Variants in ZFHX3 observed in about 807,000 individuals in gnomAD.
ZFHX3 encodes the protein zinc finger homeobox 3.
ZFHX3 carries 42 observed loss-of-function variants against 279.1 expected under a neutral mutation model. That is an observed-to-expected ratio of 0.15 (90% CI 0.12 to 0.19). ZFHX3 has a LOEUF of 0.19. Among genes scored for constraint, ZFHX3 ranks in the 10% least tolerant of loss-of-function variants. The pLI is 1.00. For missense variants in ZFHX3, 4,981 were observed against 4,754.0 expected, an observed-to-expected ratio of 1.05 and a Z score of -1.40; for synonymous variants, 2,293 against 1,957.8, an observed-to-expected ratio of 1.17 and a Z score of -4.52.
chr16:72,950,950 G>A lies in ZFHX3; in HGVS notation c.2735C>T (p.Pro912Leu). The change falls in exon 3 of 10, where the codon CCC (proline) becomes CTC (leucine). Residue 912 changes from proline to leucine, a missense_variant. Physicochemically the swap from Pro to Leu is moderately conservative, Grantham distance 98 (BLOSUM62 -3). This residue lies in a region of ZFHX3 where 1,751 missense variants were observed against 1,770.0 expected (regional missense o/e 0.99). Coordinates refer to ENST00000268489, the MANE Select transcript of ZFHX3 (RefSeq NM_006885.4). ...CCCGCCCCCGAGCCGCATGTCTAGG[G>A]GGATCTCACCGCCCACTGCAGGGAA... ...MTPALVGGEI[P>L]LDMRLGGGQL... The A allele has an allele frequency of 6.2e-7, 1 of 1,612,836 alleles. No homozygotes were observed. Among genetic ancestry groups the A allele is most frequent in the South Asian group, 1.1e-5 (1 of 91,036 alleles).
chr16:73,761,503 C>A (rs781666406), intron 1 of ZFHX3, among the ~76,000 whole-genome samples: 1 of 152,122 alleles, frequency 6.6e-6, no homozygotes, highest in Non-Finnish European at 1.5e-5. Flanking sequence ...TCATATGGAA[C>A]CAAAAAGAGC....
chr16:72,933,575 T>C (rs1959938318), intron 3 of ZFHX3, among the ~76,000 whole-genome samples: 2 of 152,162 alleles, frequency 1.3e-5, no homozygotes, highest in African/African-American at 4.8e-5. Flanking sequence ...TTTATCCTGC[T>C]ATCAATGTGC....
intron 3 of ZFHX3, among the ~76,000 whole-genome samples, chr16:73,368,751 C>T (rs752138763): frequency 6.6e-6 from 1 of 152,042 alleles, no homozygotes. Flanking sequence ...GTTAAAGGAC[C>T]CAATATTCAT....
At chr16:73,043,017 T>C (rs1228803547) in intron 1 of ZFHX3, among the ~76,000 whole-genome samples, 1 of 151,862 alleles carries the variant, frequency 6.6e-6, no homozygotes, top group Non-Finnish European at 1.5e-5. Context: ...GGAGTTTCAG[T>C]GGCTTCATCC....
At chr16:73,004,437 T>TAGAA (rs1466511895) in intron 1 of ZFHX3, among the ~76,000 whole-genome samples, 2 of 148,934 alleles carry the variant, frequency 1.3e-5, no homozygotes, top group African/African-American at 4.9e-5. Context: ...CAAGCCATTC[T>TAGAA]CCTGCCTCAG....
intron 1 of ZFHX3, among the ~76,000 whole-genome samples, chr16:73,053,429 G>A (rs1965485487): frequency 6.6e-6 from 1 of 152,080 alleles, no homozygotes; most frequent in South Asian, 2.1e-4. Context: ...GCCAGCTTCA[G>A]ATTTGCAACT....
intron 4 of ZFHX3, among the ~76,000 whole-genome samples, chr16:73,287,514 G>A (rs992102846): frequency 6.9e-6 from 1 of 144,474 alleles, no homozygotes; most frequent in Non-Finnish European, 1.5e-5. Flanking sequence ...GTGGGGTGAT[G>A]TGTGCATGTG....
intron 2 of ZFHX3, among the ~76,000 whole-genome samples, chr16:73,624,111 T>C (rs1212022368): frequency 1.3e-5 from 2 of 152,224 alleles, no homozygotes; most frequent in Non-Finnish European, 2.9e-5. Context: ...GCTCATATCC[T>C]AGGATGGCTC....
At chr16:73,305,393 C>T (rs916823513) in intron 4 of ZFHX3, among the ~76,000 whole-genome samples, 2 of 151,926 alleles carry the variant, frequency 1.3e-5, no homozygotes, top group Admixed American at 6.6e-5. Context: ...GGTAAGATAC[C>T]GGGCAATCAG....
chr16:72,944,555 A>G (rs1395860233), intron 3 of ZFHX3, among the ~76,000 whole-genome samples: 2 of 147,580 alleles, frequency 1.4e-5, no homozygotes, highest in Non-Finnish European at 3.0e-5. Context: ...ACGTCATTCC[A>G]ATTTTGTAAA....
chr16:73,845,558 A>G (rs567489283), intron 1 of ZFHX3, among the ~76,000 whole-genome samples: 24 of 152,188 alleles, frequency 1.6e-4, no homozygotes, highest in Non-Finnish European at 2.9e-4. Context: ...AAAAAAAAAA[A>G]GCAGCTTTAG....
intron 7 of ZFHX3, among the ~76,000 whole-genome samples, chr16:72,801,275 T>A (rs1008965734): frequency 1.3e-5 from 2 of 152,152 alleles, no homozygotes; most frequent in Non-Finnish European, 2.9e-5. Flanking sequence ...AGACATTATT[T>A]TTCCATCAAA....
At chr16:73,809,639 C>T (rs1435629521) in intron 1 of ZFHX3, 2 of 152,142 alleles carry the variant, frequency 1.3e-5, no homozygotes, top group Admixed American at 1.3e-4. Flanking sequence ...GGAAGGGTCT[C>T]AATACAGTTT....
rs1045254374 is a variant in ZFHX3 at position 72,783,099 on chromosome 16, A to G, written c.*4065T>C. 1 of 152,628 alleles carries G rather than the reference A, an allele frequency of 6.6e-6. No individual in the cohort carries two copies. Among genetic ancestry groups the G allele is most frequent in the African/African-American group, 2.4e-5 (1 of 41,446 alleles). 9.5% of individuals were successfully genotyped at this position (152,628 alleles called of 1,614,324 possible). ...TACAGTTCGAGATCAGCATTGTTACAGTAACAAAAAAGCTAACAAGACTAC... is the reference window on the plus strand; with the variant it reads ...TACAGTTCGAGATCAGCATTGTTACGGTAACAAAAAAGCTAACAAGACTAC... On this transcript the variant is annotated 3_prime_UTR_variant, in exon 10 of 10. Transcript: ENST00000268489.
chr16:73,273,053 G>A (rs2014194870), intron 4 of ZFHX3, among the ~76,000 whole-genome samples: 1 of 152,100 alleles, frequency 6.6e-6, no homozygotes, highest in African/African-American at 2.4e-5. Flanking sequence ...AGCCAAGGGT[G>A]TCTTTTGGCC....
rs5817852 is a variant in ZFHX3 at position 73,545,793 on chromosome 16, T to TA, written c.-1546-89536dup. On this transcript the variant is annotated intron_variant, in intron 2 of 17. Coordinates refer to the ZFHX3 transcript ENST00000641206. ...AATTGGGTGGAACACCTGCTGAAAT[T>TA]AAAAAAAAAAAAAAAAGTTTTCCCC... Among the ~76,000 whole-genome samples, 681 of 140,840 alleles carry TA rather than the reference T, an allele frequency of 4.8e-3. 1 individual carries two copies. The highest frequency in any genetic ancestry group is 0.02 in the South Asian group (91 of 4,446). 92.4% of individuals were successfully genotyped at this position (140,840 alleles called of 152,430 possible).
At chr16:73,377,406 A>G (rs1376732281) in intron 3 of ZFHX3, among the ~76,000 whole-genome samples, 1 of 152,180 alleles carries the variant, frequency 6.6e-6, no homozygotes, top group Non-Finnish European at 1.5e-5. Context: ...AGTGATTAAG[A>G]CAGTATCAGC....
upstream of ZFHX3, chr16:73,060,871 T>G (rs904937637): frequency 6.6e-6 from 1 of 152,214 alleles, no homozygotes; most frequent in African/African-American, 2.4e-5. Context: ...GATTAGAAAG[T>G]AATTCTTCAT....
At chr16:73,174,196 G>A (rs1253645907) in intron 5 of ZFHX3, among the ~76,000 whole-genome samples, 2 of 152,004 alleles carry the variant, frequency 1.3e-5, no homozygotes, top group Admixed American at 1.3e-4. Context: ...GGTCACAGGA[G>A]GAAACCTCAC....
Sources: allele counts gnomAD v4.1 joint callset (sites outside exome capture counted in the v4.1 genomes callset), GRCh38; gene constraint gnomAD v4.1.1; regional missense constraint gnomAD v4.1.1; transcripts MANE v1.5; gene names NCBI Gene and HGNC (gene_info 2026-07-23, HGNC 2026-07-21).